Variants in FSTL5 observed in about 807,000 individuals in gnomAD.
FSTL5 encodes follistatin like 5, also known as follistatin-related protein 5.
FSTL5 carries 62 observed loss-of-function variants against 89.1 expected under a neutral mutation model. The observed-to-expected ratio is 0.70, with a 90% confidence interval of 0.57 to 0.86. The LOEUF is 0.86. Ranked by LOEUF, FSTL5 falls within the 40% of genes least tolerant of loss-of-function variation. FSTL5 has a pLI of 0.00. For missense variants in FSTL5, 1,057 were observed against 1,001.6 expected (o/e 1.06, Z -0.75); for synonymous variants, 383 against 346.2 (o/e 1.11, Z -1.18).
At chr4:161,808,537 C>T (rs1730040892) in intron 4 of FSTL5, among the ~76,000 whole-genome samples, 1 of 151,872 alleles carries the variant, frequency 6.6e-6, no homozygotes, top group Non-Finnish European at 1.5e-5. Context: ...AGAGCGAAAA[C>T]TGTGAAACTC....
intron 8 of FSTL5, among the ~76,000 whole-genome samples, chr4:161,555,223 T>C (rs1732349133): frequency 6.6e-6 from 1 of 151,532 alleles, no homozygotes; most frequent in Non-Finnish European, 1.5e-5. Context: ...AAAGAGACAG[T>C]TCACCCTAAT....
chr4:161,406,850 G>T (rs1731397185), intron 15 of FSTL5, among the ~76,000 whole-genome samples: 3 of 152,064 alleles, frequency 2.0e-5, no homozygotes, highest in African/African-American at 7.2e-5. Context: ...ACATAGAATA[G>T]GGTGGATAGA....
At chr4:162,116,894 C>A (rs1383911653) in intron 1 of FSTL5, among the ~76,000 whole-genome samples, 1 of 152,132 alleles carries the variant, frequency 6.6e-6, no homozygotes, top group Non-Finnish European at 1.5e-5. Flanking sequence ...TTTGTGAGAC[C>A]TTCTCTGACA....
chr4:161,587,223 A>G (rs558393412), intron 8 of FSTL5, among the ~76,000 whole-genome samples: 4 of 152,072 alleles, frequency 2.6e-5, no homozygotes, highest in African/African-American at 9.6e-5. Context: ...TTTTCCAATT[A>G]AAATGAGTTA....
chr4:161,407,647 G>A (rs1731432338), intron 15 of FSTL5, among the ~76,000 whole-genome samples: 2 of 121,346 alleles, frequency 1.6e-5, no homozygotes, highest in South Asian at 4.7e-4. Context: ...CAGGCACAGA[G>A]CCAGGGACCT....
At chr4:161,866,585 T>G (rs1275037818) in intron 4 of FSTL5, among the ~76,000 whole-genome samples, 2 of 151,200 alleles carry the variant, frequency 1.3e-5, no homozygotes, top group Non-Finnish European at 3.0e-5. Context: ...AGATAGGGAC[T>G]GAATCTTTTC....
intron 4 of FSTL5, among the ~76,000 whole-genome samples, chr4:161,797,199 C>A: frequency 6.6e-6 from 1 of 151,508 alleles, no homozygotes; most frequent in East Asian, 1.9e-4. Context: ...CTCTTTATTT[C>A]TAATGTGTTT....
chr4:161,609,860 A>G (rs980575675), intron 7 of FSTL5, among the ~76,000 whole-genome samples: 2 of 152,128 alleles, frequency 1.3e-5, no homozygotes, highest in African/African-American at 2.4e-5. Context: ...TCTGTTTTCA[A>G]AGACTGTTTG....
chr4:162,027,906 T>A (rs1034719614), intron 3 of FSTL5, among the ~76,000 whole-genome samples: 5 of 152,100 alleles, frequency 3.3e-5, no homozygotes, highest in African/African-American at 1.2e-4. Context: ...ATAAAATAAA[T>A]CCGAGAAAAT....
At chr4:162,091,688 G>T (rs1186750212) in intron 2 of FSTL5, among the ~76,000 whole-genome samples, 1 of 151,932 alleles carries the variant, frequency 6.6e-6, no homozygotes, top group Non-Finnish European at 1.5e-5. Flanking sequence ...AGTACATATT[G>T]TTGCCACCCC....
chr4:161,418,057 C>T (rs74755811), intron 15 of FSTL5, among the ~76,000 whole-genome samples: 2,259 of 152,236 alleles, frequency 0.015, 50 homozygotes, highest in African/African-American at 0.051. Flanking sequence ...TACAAGTGCT[C>T]CCAATGTCTG....
chr4:161,502,818 T>C (rs942857379), intron 11 of FSTL5, among the ~76,000 whole-genome samples: 3 of 151,788 alleles, frequency 2.0e-5, no homozygotes, highest in African/African-American at 7.2e-5. Context: ...ATTAAGATTA[T>C]CCTCAGCAAA....
At chr4:162,030,088 T>A (rs1004890603) in intron 3 of FSTL5, among the ~76,000 whole-genome samples, 5 of 151,950 alleles carry the variant, frequency 3.3e-5, no homozygotes, top group African/African-American at 7.3e-5. Context: ...TTATTTATTT[T>A]TTTACTAGAG....
intron 1 of FSTL5, 105 bp downstream of exon 1, chr4:162,163,508 CCA>C (rs1733775924): frequency 6.7e-6 from 1 of 148,312 alleles, no homozygotes; most frequent in South Asian, 2.1e-4. Flanking sequence ...TGCCAAAAGT[CCA>C]GTTTCAAATT....
intron 4 of FSTL5, among the ~76,000 whole-genome samples, chr4:161,784,348 T>C (rs1314555446): frequency 2.6e-5 from 4 of 152,130 alleles, no homozygotes; most frequent in Admixed American, 6.5e-5. Flanking sequence ...TATATGACTT[T>C]TGGTAGTAAA....
intron 10 of FSTL5, among the ~76,000 whole-genome samples, chr4:161,524,914 C>T (rs546493685): frequency 1.4e-4 from 21 of 151,088 alleles, no homozygotes; most frequent in African/African-American, 3.7e-4. Context: ...GCTGAGATCA[C>T]GCCACTGCAC....
chr4:161,400,704 T>C (rs1031465380), intron 15 of FSTL5, among the ~76,000 whole-genome samples: 1 of 152,148 alleles, frequency 6.6e-6, no homozygotes, highest in South Asian at 2.1e-4. Context: ...TAACCTATTG[T>C]ATAATATCAT....
intron 10 of FSTL5, among the ~76,000 whole-genome samples, chr4:161,525,269 G>A (rs11737225): frequency 0.16 from 23,863 of 152,136 alleles, 2,474 homozygotes; most frequent in Non-Finnish European, 0.24. Context: ...CTAGCAACAT[G>A]TTTCTTTGTT....
intron 10 of FSTL5, among the ~76,000 whole-genome samples, chr4:161,533,779 A>G (rs1236084637): frequency 3.3e-5 from 5 of 152,080 alleles, no homozygotes; most frequent in Admixed American, 6.6e-5. Context: ...AACAACAACA[A>G]AAAAGAAAAC....
Sources: allele counts gnomAD v4.1 joint callset (sites outside exome capture counted in the v4.1 genomes callset), GRCh38; gene constraint gnomAD v4.1.1; transcripts MANE v1.5; gene names NCBI Gene and HGNC (gene_info 2026-07-23, HGNC 2026-07-21).